PPFIBP2: variants seen among roughly 807,000 people sequenced by gnomAD.
PPFIBP2 encodes the protein PPFIB scaffold protein 2.
PPFIBP2 carries 118 observed loss-of-function variants against 118.3 expected under a neutral mutation model. That is an observed-to-expected ratio of 1.00 (90% confidence interval 0.86 to 1.16). The LOEUF (loss-of-function observed/expected upper bound fraction) is 1.16. Ranked by LOEUF, PPFIBP2 falls within the 50% of genes most tolerant of loss-of-function variation. The probability of loss-of-function intolerance (pLI) is 0.00; values close to 1 mark genes in which losing one functional copy is unlikely to be tolerated. For synonymous variants in PPFIBP2, 414 were observed against 397.4 expected (o/e 1.04, Z -0.50); for missense variants, 1,195 against 1,073.1 (o/e 1.11, Z -1.59).
the PPFIBP2 span, chr11:7,665,324 T>A: frequency 1.4e-6 from 2 of 1,420,594 alleles, no homozygotes; most frequent in Non-Finnish European, 9.4e-7. Flanking sequence ...TTGAACTTAC[T>A]CTGAAACAGA....
chr11:7,639,997 C>T (rs957436479), intron 15 of PPFIBP2, 127 bp downstream of exon 15: 2 of 1,341,924 alleles, frequency 1.5e-6, no homozygotes, highest in Non-Finnish European at 2.0e-6. Flanking sequence ...GTGGCTGGAA[C>T]AAGTTGTACC....
chr11:7,588,096 G>A (rs1858540634), intron 3 of PPFIBP2, among the ~76,000 whole-genome samples: 1 of 152,168 alleles, frequency 6.6e-6, no homozygotes, highest in South Asian at 2.1e-4. Flanking sequence ...CCAAGGTGCA[G>A]AAATCTTGAT....
chr11:7,665,464 C>T, the PPFIBP2 span: 1 of 1,613,764 alleles, frequency 6.2e-7, no homozygotes, highest in African/African-American at 1.3e-5. Flanking sequence ...GGCCACACAC[C>T]AGGATGAGCG....
the PPFIBP2 span, chr11:7,666,680 C>G: frequency 1.7e-6 from 1 of 602,346 alleles, no homozygotes; most frequent in Non-Finnish European, 3.0e-6. Flanking sequence ...TGCCAACTCC[C>G]ACGGCAAACA....
intron 1 of PPFIBP2, among the ~76,000 whole-genome samples, chr11:7,540,431 T>C (rs914348703): frequency 1.3e-5 from 2 of 152,070 alleles, no homozygotes; most frequent in Non-Finnish European, 2.9e-5. Context: ...CAAGGCTGAC[T>C]CCCAGGTTTT....
intron 1 of PPFIBP2, among the ~76,000 whole-genome samples, chr11:7,525,709 G>T (rs1011105324): frequency 4.6e-5 from 7 of 152,218 alleles, no homozygotes; most frequent in African/African-American, 1.7e-4. Context: ...AAAATCAATT[G>T]TGTGAGTGTC....
At chr11:7,561,429 A>G (rs1306752564) in intron 2 of PPFIBP2, among the ~76,000 whole-genome samples, 2 of 152,320 alleles carry the variant, frequency 1.3e-5, no homozygotes, top group South Asian at 2.1e-4. Context: ...CCAGAAGTTA[A>G]TTTTATGTAG....
chr11:7,549,689 C>CT (rs1178099820), intron 2 of PPFIBP2, 150 bp downstream of exon 2: 46 of 816,436 alleles, frequency 5.6e-5, no homozygotes, highest in South Asian at 2.1e-4. Flanking sequence ...TATGTAATCT[C>CT]TTTTTTTTCT....
intron 2 of PPFIBP2, among the ~76,000 whole-genome samples, chr11:7,552,757 C>G (rs1853132544): frequency 6.6e-6 from 1 of 152,074 alleles, no homozygotes. Context: ...TGAGCTTGCC[C>G]CCCCCTCTCC....
At chr11:7,531,478 A>G (rs1850680365) in intron 1 of PPFIBP2, among the ~76,000 whole-genome samples, 1 of 152,198 alleles carries the variant, frequency 6.6e-6, no homozygotes, top group Non-Finnish European at 1.5e-5. Flanking sequence ...GCTGACTTAC[A>G]AAGAATACAG....
chr11:7,638,784 G>A (rs1851757554), intron 14 of PPFIBP2, among the ~76,000 whole-genome samples: 1 of 152,158 alleles, frequency 6.6e-6, no homozygotes, highest in Non-Finnish European at 1.5e-5. Flanking sequence ...GATTAAGAGA[G>A]GCCATTGTAT....
intron 3 of PPFIBP2, among the ~76,000 whole-genome samples, chr11:7,584,477 A>C (rs1399902008): frequency 5.9e-5 from 9 of 152,284 alleles, no homozygotes; most frequent in Middle Eastern, 3.4e-3. Flanking sequence ...TGCATTTGGA[A>C]GAAATTTCTT....
intron 3 of PPFIBP2, among the ~76,000 whole-genome samples, chr11:7,574,474 G>A (rs1268717942): frequency 6.6e-6 from 1 of 152,194 alleles, no homozygotes; most frequent in Non-Finnish European, 1.5e-5. Flanking sequence ...CCTTTTGGGA[G>A]TCATGGACTG....
chr11:7,642,047 T>TA, intron 16 of PPFIBP2: 1 of 464,846 alleles, frequency 2.2e-6, no homozygotes, highest in Non-Finnish European at 3.8e-6. Context: ...TGGGGCCTCC[T>TA]ACAAGGCATC....
At chr11:7,610,593 C>T in intron 6 of PPFIBP2, 171 bp downstream of exon 6, 1 of 918,520 alleles carries the variant, frequency 1.1e-6, no homozygotes, top group South Asian at 2.1e-5. Context: ...GCTGTGGCTG[C>T]AAATTTCAGC....
chr11:7,656,693 T>C (rs1449163009), downstream of PPFIBP2: 5 of 1,288,680 alleles, frequency 3.9e-6, no homozygotes, highest in African/African-American at 3.0e-5. Context: ...ACCAAAACTC[T>C]ATTAAACTGA....
At chr11:7,565,378 C>T (rs534482639) in intron 2 of PPFIBP2, among the ~76,000 whole-genome samples, 175 bp from the exon 3 acceptor site, 25 of 152,218 alleles carry the variant, frequency 1.6e-4, no homozygotes, top group Admixed American at 3.9e-4. Flanking sequence ...TCAAGTGATC[C>T]TCCCGCTTCA....
chr11:7,656,852 T>A, downstream of PPFIBP2: 4 of 1,250,182 alleles, frequency 3.2e-6, no homozygotes, highest in Non-Finnish European at 4.2e-6. Context: ...CCGGAGCCTT[T>A]GCTTCTGTGG....
At chr11:7,663,650 C>A in the PPFIBP2 span, among the ~76,000 whole-genome samples, 1 of 152,236 alleles carries the variant, frequency 6.6e-6, no homozygotes, top group Non-Finnish European at 1.5e-5. Context: ...GGCAGGCAGG[C>A]CTCCTTGAGC....
Sources: gnomAD v4.1 joint callset for allele counts (sites outside exome capture counted in the v4.1 genomes callset) on GRCh38, gnomAD v4.1.1 for gene constraint, MANE v1.5 for transcripts, NCBI Gene and HGNC (gene_info 2026-07-23, HGNC 2026-07-21) for gene names.